The following MTA3 variants were observed in gnomAD, a reference collection of about 807,000 sequenced individuals.
The protein encoded by MTA3 is metastasis associated 1 family member 3, also known as metastasis-associated protein MTA3.
Under a neutral mutation model 83.5 loss-of-function variants are expected in MTA3, and 34 were observed. The ratio of observed to expected loss-of-function variants is 0.41; its 90% CI spans 0.31 to 0.54. The LOEUF (loss-of-function observed/expected upper bound fraction) is 0.54. Among genes scored for constraint, MTA3 ranks in the 20% least tolerant of loss-of-function variants. The probability of loss-of-function intolerance (pLI) is 0.33; values close to 1 mark genes in which losing one functional copy is unlikely to be tolerated. For synonymous variants in MTA3, 303 were observed against 252.7 expected (o/e 1.20, Z -1.89); for missense variants, 761 against 726.4 (o/e 1.05, Z -0.55).
intron 16 of MTA3, among the ~76,000 whole-genome samples, chr2:42,739,286 G>T (rs1036753645): frequency 6.6e-6 from 1 of 152,088 alleles, no homozygotes; most frequent in Non-Finnish European, 1.5e-5. Context: ...AAGAACCTAC[G>T]TGATTATCGG....
chr2:42,591,482 C>A (rs1680984088), intron 3 of MTA3, among the ~76,000 whole-genome samples: 1 of 152,072 alleles, frequency 6.6e-6, no homozygotes, highest in Non-Finnish European at 1.5e-5. Context: ...AATGAATTAA[C>A]CCAATTTATT....
intron 16 of MTA3, among the ~76,000 whole-genome samples, chr2:42,737,358 G>A (rs79606788): frequency 0.011 from 1,603 of 152,310 alleles, 27 homozygotes; most frequent in South Asian, 0.051. Context: ...TGCTCCTTCT[G>A]TGGGCACCGG....
At chr2:42,594,331 G>A (rs1458070082) in intron 3 of MTA3, among the ~76,000 whole-genome samples, 2 of 147,618 alleles carry the variant, frequency 1.4e-5, no homozygotes, top group Non-Finnish European at 3.0e-5. Flanking sequence ...CTGCCTCCCG[G>A]GCTCAAGCAA....
At chr2:42,688,979 GTATC>G (rs2104453476) in intron 9 of MTA3, among the ~76,000 whole-genome samples, 1 of 152,026 alleles carries the variant, frequency 6.6e-6, no homozygotes, top group East Asian at 1.9e-4. Context: ...GTTTTTGTAT[GTATC>G]TTTTAATGAC....
chr2:42,714,554 A>C (rs576488542), intron 14 of MTA3, among the ~76,000 whole-genome samples: 57 of 152,318 alleles, frequency 3.7e-4, no homozygotes, highest in African/African-American at 1.3e-3. Flanking sequence ...CACTGCCCCC[A>C]GTATTTCCAA....
intron 2 of MTA3, among the ~76,000 whole-genome samples, chr2:42,522,719 GGA>G (rs1291559988): frequency 1.3e-5 from 2 of 151,676 alleles, no homozygotes; most frequent in Non-Finnish European, 2.9e-5. Flanking sequence ...ATCCAGCTTG[GGA>G]GAGAGAGACC....
At chr2:42,677,696 C>T (rs1243677076) in intron 8 of MTA3, among the ~76,000 whole-genome samples, 1 of 152,090 alleles carries the variant, frequency 6.6e-6, no homozygotes, top group East Asian at 1.9e-4. Context: ...TTTTTGCCTG[C>T]TGCCATCTAT....
chr2:42,700,118 T>C (rs78045864), intron 11 of MTA3, among the ~76,000 whole-genome samples: 2,183 of 152,060 alleles, frequency 0.014, 53 homozygotes, highest in African/African-American at 0.049. Flanking sequence ...GGTGATCTTA[T>C]TGGCATGGTG....
At chr2:42,678,740 A>G (rs530991106) in intron 8 of MTA3, among the ~76,000 whole-genome samples, 2 of 152,318 alleles carry the variant, frequency 1.3e-5, no homozygotes, top group East Asian at 3.9e-4. Context: ...CAAATTCATA[A>G]TCTATACCCT....
At chr2:42,521,785 C>T (rs1321456615) in intron 2 of MTA3, among the ~76,000 whole-genome samples, 4 of 126,780 alleles carry the variant, frequency 3.2e-5, no homozygotes, top group African/African-American at 1.2e-4. Context: ...GACAGAGTCT[C>T]ACTCTGTTGC....
intron 16 of MTA3, among the ~76,000 whole-genome samples, chr2:42,737,958 C>G (rs1668728909): frequency 6.6e-6 from 1 of 152,104 alleles, no homozygotes; most frequent in Admixed American, 6.6e-5. Context: ...TTCTGGTTTC[C>G]CAGTGCATAT....
At chr2:42,504,077 C>G (rs2103650050) in intron 2 of MTA3, among the ~76,000 whole-genome samples, 1 of 152,024 alleles carries the variant, frequency 6.6e-6, no homozygotes, top group East Asian at 1.9e-4. Context: ...GCAGCTGTCA[C>G]CACGCCCAGC....
At chr2:42,652,144 G>C (rs961161452) in intron 6 of MTA3, among the ~76,000 whole-genome samples, 8 of 152,108 alleles carry the variant, frequency 5.3e-5, no homozygotes, top group African/African-American at 1.9e-4. Context: ...GGAGAGCAGG[G>C]TTAGCAAAGG....
At chr2:42,550,069 A>G (rs2103773285) in intron 2 of MTA3, among the ~76,000 whole-genome samples, 1 of 152,280 alleles carries the variant, frequency 6.6e-6, no homozygotes, top group African/African-American at 2.4e-5. Flanking sequence ...AAGAGCAGCC[A>G]TAAAGTATTT....
At chr2:42,713,205 A>G (rs923614142) in intron 14 of MTA3, among the ~76,000 whole-genome samples, 2 of 152,254 alleles carry the variant, frequency 1.3e-5, no homozygotes, top group Non-Finnish European at 2.9e-5. Flanking sequence ...TGAATGGGCC[A>G]CAGTATTCCC....
rs575126849 is a variant in MTA3, at chr2:42,729,824, C to T, written c.1759+6789C>T. On this transcript the variant is annotated intron_variant, in intron 16 of 16. Coordinates refer to ENST00000405094, the MANE Select transcript of MTA3 (RefSeq NM_001330442.2). Reference sequence around the variant, plus strand: ...TTTAGGACTATTATTTCTATCTCTGCGAAGAACATCATTGGTATTTTGATA... The same window carrying T: ...TTTAGGACTATTATTTCTATCTCTGTGAAGAACATCATTGGTATTTTGATA... Among the ~76,000 whole-genome samples the T allele has an allele frequency of 1.4e-4, 22 of 152,192 alleles. 1 individual carries two copies. Among genetic ancestry groups the T allele is most frequent in the Admixed American group, 2.6e-4 (4 of 15,282 alleles).
intron 5 of MTA3, among the ~76,000 whole-genome samples, chr2:42,642,401 A>T (rs1687774157): frequency 6.6e-6 from 1 of 152,018 alleles, no homozygotes; most frequent in Non-Finnish European, 1.5e-5. Context: ...CATGTCTGTG[A>T]TCCCAGCACT....
intron 3 of MTA3, among the ~76,000 whole-genome samples, chr2:42,594,703 TAC>T (rs1484445936): frequency 3.6e-5 from 2 of 54,966 alleles, no homozygotes; most frequent in East Asian, 4.8e-4. Context: ...TATATAAATA[TAC>T]ATATATATAT....
intron 16 of MTA3, among the ~76,000 whole-genome samples, chr2:42,733,556 T>C: frequency 6.6e-6 from 1 of 152,268 alleles, no homozygotes; most frequent in East Asian, 1.9e-4. Context: ...TGGTATGTTG[T>C]ATTTCCCTTA....
Sources: allele counts gnomAD v4.1 joint callset (sites outside exome capture counted in the v4.1 genomes callset), GRCh38; gene constraint gnomAD v4.1.1; transcripts MANE v1.5; gene names NCBI Gene and HGNC (gene_info 2026-07-23, HGNC 2026-07-21).